SPATS2L: variants seen among roughly 807,000 people sequenced by gnomAD.
SPATS2L encodes the protein spermatogenesis associated serine rich 2 like, also known as SPATS2-like protein.
A neutral mutation model predicts 59.6 loss-of-function variants in SPATS2L; 30 were observed. That is an observed-to-expected ratio of 0.50 (90% confidence interval 0.38 to 0.68). The LOEUF (loss-of-function observed/expected upper bound fraction) is 0.68, where lower values mean the gene tolerates loss of function less well. SPATS2L is among the 30% of genes least tolerant of loss of function. SPATS2L has a pLI of 0.00. For missense variants in SPATS2L, 615 were observed against 700.0 expected, an observed-to-expected ratio of 0.88 and a Z score of 1.37; for synonymous variants, 252 against 263.5, an observed-to-expected ratio of 0.96 and a Z score of 0.42.
intron 2 of SPATS2L, among the ~76,000 whole-genome samples, chr2:200,335,553 G>A (rs2080115544): frequency 6.6e-6 from 1 of 152,306 alleles, no homozygotes; most frequent in Non-Finnish European, 1.5e-5. Context: ...ATGAGTTATA[G>A]TAATAATTTA....
chr2:200,388,622 C>A lies in SPATS2L; in HGVS notation c.-22-601C>A, dbSNP rs199911633. On this transcript the variant is annotated intron_variant, in intron 2 of 12. Transcript: ENST00000409140. Reference sequence around the variant, plus strand: ...AAAAGGTTTTGAGATGCCCCCCCCCCACCCAGAAAAAGACTACAGGAAAGG... The same window carrying A: ...AAAAGGTTTTGAGATGCCCCCCCCCAACCCAGAAAAAGACTACAGGAAAGG... Among the ~76,000 whole-genome samples the A allele has an allele frequency of 1.9e-3, 247 of 130,922 alleles. 2 individuals carry two copies. The highest frequency in any genetic ancestry group is 2.1e-3 in the Non-Finnish European group (126 of 61,352). The allele number at this position is 130,922 out of a possible 152,430, so 85.9% of individuals were successfully genotyped here.
At chr2:200,460,447 T>C (rs977770095) in intron 9 of SPATS2L, among the ~76,000 whole-genome samples, 5 of 152,148 alleles carry the variant, frequency 3.3e-5, no homozygotes, top group African/African-American at 7.2e-5. Context: ...GCAACTCTTA[T>C]AAAATTAATA....
At chr2:200,381,263 T>C (rs1274304008) in intron 2 of SPATS2L, among the ~76,000 whole-genome samples, 1 of 151,878 alleles carries the variant, frequency 6.6e-6, no homozygotes, top group African/African-American at 2.4e-5. Context: ...TACAGAGAAA[T>C]AGCCTACTAC....
intron 2 of SPATS2L, among the ~76,000 whole-genome samples, chr2:200,355,106 C>T (rs1373146566): frequency 6.6e-6 from 1 of 152,136 alleles, no homozygotes; most frequent in Non-Finnish European, 1.5e-5. Flanking sequence ...CCTTTTCAGA[C>T]ATCTCTTTTG....
At position 200,473,018 on chromosome 2, in the gene SPATS2L, A is replaced by T; in HGVS notation, c.1247A>T (p.Asp416Val). The change falls in exon 12 of 13, where the codon GAC (aspartate) becomes GTC (valine). Residue 416 changes from aspartate (D) to valine (V), a missense_variant. By Grantham distance (152) the Asp-to-Val change is radical (BLOSUM62 -3). Transcript: ENST00000409140. ...GTGAGCAGTCTCCCCAGCACCGCCGACCCCTCTCACCAGACCATGCCGGCC... is the reference window on the plus strand; with the variant it reads ...GTGAGCAGTCTCCCCAGCACCGCCGTCCCCTCTCACCAGACCATGCCGGCC... Reference protein sequence around the residue: ...KMVSSLPSTADPSHQTMPANK... With the variant: ...KMVSSLPSTAVPSHQTMPANK... 6.2e-7 allele frequency: 1 copy of T among 1,608,190 alleles called. No homozygotes were observed. The highest frequency in any genetic ancestry group is 8.5e-7 in the Non-Finnish European group (1 of 1,178,838).
chr2:200,413,426 T>C (rs2082953578), intron 4 of SPATS2L, among the ~76,000 whole-genome samples: 1 of 152,222 alleles, frequency 6.6e-6, no homozygotes, highest in Non-Finnish European at 1.5e-5. Flanking sequence ...ATGCTTTGGA[T>C]TTCCTGTAAA....
At chr2:200,443,358 A>C (rs2084823188) in intron 8 of SPATS2L, among the ~76,000 whole-genome samples, 2 of 152,296 alleles carry the variant, frequency 1.3e-5, no homozygotes, top group South Asian at 4.1e-4. Flanking sequence ...CTGCATTCTA[A>C]GCATTAGAGA....
chr2:200,377,347 G>A (rs763831660), intron 2 of SPATS2L, among the ~76,000 whole-genome samples: 11 of 152,200 alleles, frequency 7.2e-5, no homozygotes, highest in Non-Finnish European at 1.3e-4. Flanking sequence ...TTTACTCTGC[G>A]AGATTACTTA....
At chr2:200,407,990 G>A (rs1379561664) in intron 3 of SPATS2L, among the ~76,000 whole-genome samples, 1 of 152,188 alleles carries the variant, frequency 6.6e-6, no homozygotes, top group Non-Finnish European at 1.5e-5. Context: ...AAATGGCCAA[G>A]ATGAGGATTC....
chr2:200,457,665 C>T (rs1015496950), intron 8 of SPATS2L, among the ~76,000 whole-genome samples: 1 of 152,224 alleles, frequency 6.6e-6, no homozygotes, highest in African/African-American at 2.4e-5. Context: ...AGGGACTAGG[C>T]TTAGAGCCCA....
chr2:200,477,883 G>A lies in SPATS2L; in HGVS notation c.1529G>A (p.Arg510Gln), dbSNP rs1333620477. Residue 510 changes from arginine to glutamine, a missense_variant, in exon 13 of 13, where the codon CGA becomes CAA. Physicochemically the swap from Arg to Gln is conservative, Grantham distance 43. This residue lies in a region of SPATS2L where 284 missense variants were observed against 280.1 expected (regional missense o/e 1.01). Coordinates refer to ENST00000409140, the MANE Select transcript of SPATS2L (RefSeq NM_001100423.2). The part of the protein sequence containing the change: ...EAPAHSEKPR[R>Q]RQHAADTSEA... ...CCGGCCCATTCTGAAAAGCCCCGGC[G>A]AAGGCAGCACGCTGCAGACACCTCG... 30 of 1,608,814 alleles carry A rather than the reference G, an allele frequency of 1.9e-5. 1 individual carries two copies. The highest frequency in any genetic ancestry group is 1.4e-4 in the Admixed American group (8 of 59,130).
At chr2:200,390,868 A>T (rs578231219) in intron 3 of SPATS2L, 1 of 150,596 alleles carries the variant, frequency 6.6e-6, no homozygotes, top group Non-Finnish European at 1.5e-5. Flanking sequence ...AAAAAAAAAA[A>T]GGCCAGAGTA....
In SPATS2L at chr2:200,439,244, C is replaced by T; in HGVS notation, c.568C>T (p.Pro190Ser). 1 of 1,613,676 alleles carries T rather than the reference C, an allele frequency of 6.2e-7. No individual in the cohort carries two copies. Among genetic ancestry groups the T allele is most frequent in the African/African-American group, 1.3e-5 (1 of 75,016 alleles). ...TGAGCAGCCTTGTAACCCAAGCAAG[C>T]CTAAGGCAAAAACATCTCCTGTTAA... ...SAEQPCNPSKPKAKTSPVKSN... is the reference protein window; with the variant it reads ...SAEQPCNPSKSKAKTSPVKSN... Residue 190 changes from proline (P) to serine (S), a missense_variant, in exon 7 of 13, where the codon CCT (proline) becomes TCT (serine). Transcript: ENST00000409140.
intron 5 of SPATS2L, among the ~76,000 whole-genome samples, chr2:200,416,947 T>C (rs902042127): frequency 6.6e-6 from 1 of 152,216 alleles, no homozygotes; most frequent in Admixed American, 6.5e-5. Flanking sequence ...AGGGGCTTTC[T>C]TGAACACTGG....
chr2:200,407,346 G>A (rs1026271443), intron 3 of SPATS2L, among the ~76,000 whole-genome samples: 1 of 152,096 alleles, frequency 6.6e-6, no homozygotes, highest in African/African-American at 2.4e-5. Context: ...ATGACATTTG[G>A]CTCTCTATAA....
chr2:200,415,902 C>A (rs2083038627), intron 4 of SPATS2L, among the ~76,000 whole-genome samples: 1 of 152,016 alleles, frequency 6.6e-6, no homozygotes, highest in Non-Finnish European at 1.5e-5. Context: ...TCTTCCTCAT[C>A]CCCCTGCAAG....
intron 2 of SPATS2L, among the ~76,000 whole-genome samples, chr2:200,355,939 G>T (rs569027748): frequency 6.6e-6 from 1 of 152,286 alleles, no homozygotes; most frequent in East Asian, 1.9e-4. Context: ...ATTATCGTGT[G>T]TACCTGTAAA....
chr2:200,384,642 G>A (rs1280751952), intron 2 of SPATS2L, among the ~76,000 whole-genome samples: 2 of 152,128 alleles, frequency 1.3e-5, no homozygotes, highest in African/African-American at 2.4e-5. Flanking sequence ...GTGAGCCACC[G>A]CGCCCAGCTG....
At chr2:200,412,144 T>G (rs754290851) in intron 3 of SPATS2L, among the ~76,000 whole-genome samples, 167 bp from the exon 4 acceptor site, 23 of 152,142 alleles carry the variant, frequency 1.5e-4, no homozygotes, top group Non-Finnish European at 2.6e-4. Context: ...CCAGGATGAA[T>G]TTTCACTGGT....
Sources: allele counts gnomAD v4.1 joint callset (sites outside exome capture counted in the v4.1 genomes callset), GRCh38; gene constraint gnomAD v4.1.1; regional missense constraint gnomAD v4.1.1; transcripts MANE v1.5; gene names NCBI Gene and HGNC (gene_info 2026-07-23, HGNC 2026-07-21).